Variants in ZBED6 observed in about 807,000 individuals in gnomAD.
The protein encoded by ZBED6 is zinc finger BED domain-containing protein 6.
In ZBED6, 40 loss-of-function variants were observed where a neutral mutation model predicts 58.4. That is an observed-to-expected ratio of 0.68 (90% CI 0.53 to 0.89). The LOEUF (loss-of-function observed/expected upper bound fraction) is 0.89, where lower values mean the gene tolerates loss of function less well. ZBED6 is among the 40% of genes least tolerant of loss of function. The probability of loss-of-function intolerance (pLI) is 0.00; values close to 1 mark genes in which losing one functional copy is unlikely to be tolerated. For missense variants in ZBED6, 1,057 were observed against 1,003.9 expected (o/e 1.05, Z -0.71); for synonymous variants, 439 against 350.6 (o/e 1.25, Z -2.82).
intron 1 of ZBED6, chr1:203,815,073 A>T (rs1464610720): frequency 6.6e-6 from 1 of 151,680 alleles, no homozygotes; most frequent in East Asian, 1.9e-4. Context: ...CAAGTGATCC[A>T]CCAGCTTCCA....
Position 203,812,441 on chromosome 1 carries a change from C to T in ZBED6, c.*2555-4485C>T, listed in dbSNP as rs375598656. On this transcript the variant is annotated intron_variant, in intron 1 of 16. Coordinates refer to ENST00000550078, the Ensembl canonical transcript of ZBED6. ...GCCTCTGGCTCCATTCATGTCCCTG[C>T]AAAGGACATGATTTTGTTCCTTTTT... 3.0e-3 allele frequency among the ~76,000 whole-genome samples: 453 copies of T among 152,254 alleles called. 2 individuals are homozygous for T. In the Middle Eastern group the frequency reaches 0.031, roughly 10 times the overall value.
At chr1:203,841,155 T>TA (rs1686032808) in intron 11 of ZBED6, among the ~76,000 whole-genome samples, 1 of 138,264 alleles carries the variant, frequency 7.2e-6, no homozygotes, top group African/African-American at 2.7e-5. Flanking sequence ...TTTTTTTTTT[T>TA]TATTTTTTTT....
intron 3 of ZBED6, among the ~76,000 whole-genome samples, chr1:203,819,300 C>T (rs1380667589): frequency 6.7e-6 from 1 of 150,154 alleles, no homozygotes; most frequent in African/African-American, 2.4e-5. Flanking sequence ...CTGCTTACTG[C>T]AACCTCCACC....
chr1:203,844,168 T>C (rs1400600867), intron 11 of ZBED6, among the ~76,000 whole-genome samples: 2 of 151,584 alleles, frequency 1.3e-5, no homozygotes, highest in Non-Finnish European at 2.9e-5. Flanking sequence ...TATTTTTTAT[T>C]TTTATTTTTG....
intron 1 of ZBED6, among the ~76,000 whole-genome samples, chr1:203,809,172 G>GT (rs33926996): frequency 0.66 from 54,919 of 83,318 alleles, 19,686 homozygotes; most frequent in East Asian, 0.73. Flanking sequence ...TCTTCTCACT[G>GT]TTTTTTTTTT....
intron 8 of ZBED6, among the ~76,000 whole-genome samples, chr1:203,833,304 G>T (rs2103068031): frequency 6.7e-6 from 1 of 150,068 alleles, no homozygotes; most frequent in East Asian, 2.0e-4. Flanking sequence ...GGTGGAGGTT[G>T]CAGTGAGCCG....
At chr1:203,796,260 G>C (rs1668461821) in exon 1 of ZBED6, 2 of 395,756 alleles carry the variant, frequency 5.1e-6, no homozygotes, top group Non-Finnish European at 8.9e-6. Flanking sequence ...TGAGTGCCGG[G>C]CGCTGAATTT....
exon 1 of ZBED6, chr1:203,798,351 C>T (rs1169753607): frequency 6.5e-7 from 1 of 1,535,330 alleles, no homozygotes; most frequent in Non-Finnish European, 8.7e-7. Flanking sequence ...TTACACTGAT[C>T]CTCAGCACAT....
chr1:203,837,076 C>A (rs1218957898), intron 9 of ZBED6, among the ~76,000 whole-genome samples: 1 of 152,100 alleles, frequency 6.6e-6, no homozygotes, highest in African/African-American at 2.4e-5. Flanking sequence ...GGGCAGATCA[C>A]CTGAGCTCAG....
intron 3 of ZBED6, among the ~76,000 whole-genome samples, chr1:203,819,551 T>TTTTTTTTTTTTTTTA (rs1677741962): frequency 1.2e-5 from 1 of 83,014 alleles, no homozygotes; most frequent in Non-Finnish European, 2.4e-5. Flanking sequence ...TTTTTTTTTT[T>TTTTTTTTTTTTTTTA]GAGACAGAGT....
exon 1 of ZBED6, chr1:203,797,617 C>T (rs1226121050): frequency 2.1e-5 from 33 of 1,535,646 alleles, no homozygotes; most frequent in Non-Finnish European, 2.9e-5. Context: ...GGATGTGTTC[C>T]TATTAATTCT....
intron 10 of ZBED6, among the ~76,000 whole-genome samples, chr1:203,839,826 C>CA (rs1685513641): frequency 6.6e-6 from 1 of 151,994 alleles, no homozygotes; most frequent in Admixed American, 6.6e-5. Flanking sequence ...TTTTTTGAGA[C>CA]AGAGTCTCAC....
exon 1 of ZBED6, chr1:203,798,076 C>G: frequency 6.5e-7 from 1 of 1,536,062 alleles, no homozygotes. Flanking sequence ...CCTCATTGGA[C>G]CAGGGCCAAC....
exon 4 of ZBED6, chr1:203,828,305 C>T (rs1279255236): frequency 1.2e-6 from 2 of 1,613,810 alleles, no homozygotes; most frequent in Non-Finnish European, 1.7e-6. Flanking sequence ...ACAGAAAAAA[C>T]GCAGTGAAAT....
exon 12 of ZBED6, chr1:203,847,342 A>C (rs1160697823): frequency 6.2e-7 from 1 of 1,613,972 alleles, no homozygotes. Context: ...CTCCTCCACT[A>C]TCCGTATCAA....
chr1:203,819,252 C>T (rs1347231138), intron 3 of ZBED6, among the ~76,000 whole-genome samples: 1 of 145,354 alleles, frequency 6.9e-6, no homozygotes, highest in African/African-American at 2.6e-5. Context: ...AACGGAGTCT[C>T]ACTCTGTCGC....
At chr1:203,832,940 A>G (rs900866120) in intron 8 of ZBED6, among the ~76,000 whole-genome samples, 1 of 152,202 alleles carries the variant, frequency 6.6e-6, no homozygotes, top group Non-Finnish European at 1.5e-5. Flanking sequence ...ATTAATAATT[A>G]GTACTATTCT....
intron 8 of ZBED6, among the ~76,000 whole-genome samples, chr1:203,833,342 G>A (rs1240078791): frequency 1.3e-4 from 19 of 146,518 alleles, no homozygotes; most frequent in African/African-American, 4.3e-4. Flanking sequence ...TCTAGCCTGG[G>A]CGACAGAGTG....
At chr1:203,852,643 T>C (rs1335886617) in exon 17 of ZBED6, 5 of 503,372 alleles carry the variant, frequency 9.9e-6, no homozygotes, top group African/African-American at 3.9e-5. Flanking sequence ...AGTTCTGTCA[T>C]ACCCTTCTCT....
Sources: allele counts gnomAD v4.1 joint callset (sites outside exome capture counted in the v4.1 genomes callset), GRCh38; gene constraint gnomAD v4.1.1; transcripts MANE v1.5; gene names NCBI Gene and HGNC (gene_info 2026-07-23, HGNC 2026-07-21).